DLG1: variants seen among roughly 807,000 people sequenced by gnomAD.
The protein encoded by DLG1 is discs large MAGUK scaffold protein 1, also known as disks large homolog 1.
In DLG1, 42 loss-of-function variants were observed where a neutral mutation model predicts 123.4. The ratio of observed to expected loss-of-function variants is 0.34; its 90% CI spans 0.27 to 0.44. The LOEUF (loss-of-function observed/expected upper bound fraction) is 0.44, where lower values mean the gene tolerates loss of function less well. DLG1 is among the 20% of genes least tolerant of loss of function. The pLI, the probability that DLG1 is intolerant of heterozygous loss-of-function variation, is 1.00. For synonymous variants in DLG1, 317 were observed against 356.2 expected (o/e 0.89, Z 1.24); for missense variants, 942 against 1,082.6 (o/e 0.87, Z 1.82).
chr3:197,182,026 T>C (rs1236256681), intron 5 of DLG1, among the ~76,000 whole-genome samples: 1 of 152,180 alleles, frequency 6.6e-6, no homozygotes. Context: ...GAACTACTTT[T>C]CCTGTCTTTT....
intron 9 of DLG1, among the ~76,000 whole-genome samples, 169 bp from the exon 10 acceptor site, chr3:197,136,847 G>C (rs1316187767): frequency 6.6e-6 from 1 of 152,174 alleles, no homozygotes; most frequent in Non-Finnish European, 1.5e-5. Flanking sequence ...GGGACACTTA[G>C]ACATACAGCT....
At chr3:197,110,226 C>G (rs192619377) in intron 13 of DLG1, among the ~76,000 whole-genome samples, 183 of 152,252 alleles carry the variant, frequency 1.2e-3, no homozygotes, top group African/African-American at 4.2e-3. Flanking sequence ...TCTCAATTGA[C>G]CCATCTTCAA....
intron 4 of DLG1, among the ~76,000 whole-genome samples, chr3:197,238,128 A>G (rs1472218026): frequency 6.6e-6 from 1 of 152,206 alleles, no homozygotes; most frequent in Non-Finnish European, 1.5e-5. Context: ...TCCACTAAGC[A>G]GTAAGGAAGC....
At chr3:197,119,641 T>A in intron 11 of DLG1, 111 bp from the exon 12 acceptor site, 1 of 1,076,930 alleles carries the variant, frequency 9.3e-7, no homozygotes, top group Non-Finnish European at 1.2e-6. Flanking sequence ...ATATCAGAAT[T>A]TGGTAGAGAA....
At chr3:197,163,132 TAA>T (rs1799499653) in intron 5 of DLG1, among the ~76,000 whole-genome samples, 1 of 152,046 alleles carries the variant, frequency 6.6e-6, no homozygotes. Context: ...GTAATACAAA[TAA>T]AAGCTATAAT....
At chr3:197,072,680 TAAA>T (rs200686303) in intron 18 of DLG1, among the ~76,000 whole-genome samples, 2 of 136,584 alleles carry the variant, frequency 1.5e-5, no homozygotes, top group South Asian at 2.3e-4. Context: ...ATGATTGTCT[TAAA>T]AAAAAAAAAA....
At chr3:197,059,513 G>A (rs543543655) in intron 23 of DLG1, among the ~76,000 whole-genome samples, 16 of 151,270 alleles carry the variant, frequency 1.1e-4, no homozygotes, top group Middle Eastern at 3.4e-3. Flanking sequence ...GTTTCTATTT[G>A]TTCTTTCTTA....
Position 197,233,219 on chromosome 3 carries a change from A to ACT in DLG1, c.319-38631_319-38630insAG, listed in dbSNP as rs1434589119. Reference sequence around the variant, plus strand: ...AAAAGCATAAAAAATTTAGTAATAAATGTAATAAAAGTGCAATACTCATAC... The same window carrying ACT: ...AAAAGCATAAAAAATTTAGTAATAAACTTGTAATAAAAGTGCAATACTCATAC... On this transcript the variant is annotated intron_variant, in intron 4 of 24. Coordinates refer to ENST00000667157, the MANE Select transcript of DLG1 (RefSeq NM_001366207.1). Among the ~76,000 whole-genome samples the ACT allele has an allele frequency of 2.0e-5, 3 of 152,206 alleles. No homozygotes were observed. The South Asian group carries it at 6.2e-4, about 31-fold the overall frequency.
chr3:197,070,393 T>C (rs1377464393), intron 18 of DLG1: 1 of 150,954 alleles, frequency 6.6e-6, no homozygotes, highest in Non-Finnish European at 1.5e-5. Flanking sequence ...ACTACAGGTA[T>C]GTACCACCAT....
At chr3:197,113,258 T>G (rs533547757) in intron 13 of DLG1, among the ~76,000 whole-genome samples, 77 of 152,304 alleles carry the variant, frequency 5.1e-4, no homozygotes, top group Admixed American at 1.4e-3. Context: ...TTTAGTTCTA[T>G]GGTCCATTTC....
chr3:197,114,377 C>G (rs1033705784), intron 13 of DLG1, among the ~76,000 whole-genome samples: 23 of 152,198 alleles, frequency 1.5e-4, no homozygotes, highest in Non-Finnish European at 3.2e-4. Context: ...CACCTACGAA[C>G]AAGACAGAGT....
intron 23 of DLG1, among the ~76,000 whole-genome samples, chr3:197,059,098 T>C (rs757971545): frequency 6.6e-6 from 1 of 152,148 alleles, no homozygotes; most frequent in Non-Finnish European, 1.5e-5. Context: ...GCTAATTTTC[T>C]GTATTTTTAG....
chr3:197,085,459 G>T (rs1466078680), intron 16 of DLG1, 121 bp downstream of exon 16: 2 of 991,500 alleles, frequency 2.0e-6, no homozygotes, highest in East Asian at 4.9e-5. Flanking sequence ...TCTGTGTCTG[G>T]CTTTTTTCAA....
rs1174161288 is a variant in DLG1 at position 197,282,830 on chromosome 3, T to C, written c.167A>G (p.Tyr56Cys). Residue 56 changes from tyrosine (Y) to cysteine (C), a missense_variant, in exon 4 of 25, where the codon TAT (tyrosine) becomes TGT (cysteine). By Grantham distance (194) the Tyr-to-Cys change is radical. Coordinates refer to ENST00000667157, the MANE Select transcript of DLG1 (RefSeq NM_001366207.1). Reference protein sequence around the residue: ...FQALIDIQEFYEVTLLDNPKC... With the variant: ...FQALIDIQEFCEVTLLDNPKC... ...TGGATTATCCAGTAAGGTCACTTCATAAAATTCTTGAATATCTAGAAGAAG... is the reference window on the plus strand; with the variant it reads ...TGGATTATCCAGTAAGGTCACTTCACAAAATTCTTGAATATCTAGAAGAAG... The C allele has an allele frequency of 3.2e-6, 5 of 1,563,388 alleles. No homozygotes were observed. Among genetic ancestry groups the C allele is most frequent in the Non-Finnish European group, 4.3e-6 (5 of 1,153,778 alleles).
intron 3 of DLG1, among the ~76,000 whole-genome samples, chr3:197,285,151 A>C (rs1008142798): frequency 2.0e-5 from 3 of 152,160 alleles, no homozygotes; most frequent in Admixed American, 2.0e-4. Flanking sequence ...TAGAATTCAA[A>C]GTTTGCAAAC....
chr3:197,066,018 G>C (rs1197087247), intron 20 of DLG1, among the ~76,000 whole-genome samples: 2 of 152,168 alleles, frequency 1.3e-5, no homozygotes, highest in Non-Finnish European at 2.9e-5. Flanking sequence ...TCTGCTAGAA[G>C]TCATATTGAT....
At chr3:197,184,142 A>T in intron 5 of DLG1, 1 of 1,063,374 alleles carries the variant, frequency 9.4e-7, no homozygotes, top group Non-Finnish European at 1.1e-6. Flanking sequence ...AACTAGATGG[A>T]TTGAAATCCA....
chr3:197,294,045 G>T (rs1391124936), intron 3 of DLG1: 8 of 152,152 alleles, frequency 5.3e-5, no homozygotes, highest in Non-Finnish European at 1.2e-4. Flanking sequence ...CAAAACAATG[G>T]TAGAGTTGCA....
intron 4 of DLG1, among the ~76,000 whole-genome samples, chr3:197,214,450 G>A (rs1224257715): frequency 6.6e-6 from 1 of 152,044 alleles, no homozygotes; most frequent in East Asian, 1.9e-4. Flanking sequence ...GTGGGCGCCT[G>A]TAGTCCCAGC....
Sources: allele counts gnomAD v4.1 joint callset (sites outside exome capture counted in the v4.1 genomes callset), GRCh38; gene constraint gnomAD v4.1.1; transcripts MANE v1.5; gene names NCBI Gene and HGNC (gene_info 2026-07-23, HGNC 2026-07-21).